PIBF1: variants seen among roughly 807,000 people sequenced by gnomAD.
PIBF1 encodes the protein progesterone immunomodulatory binding factor 1.
Under a neutral mutation model 112.5 loss-of-function variants are expected in PIBF1, and 90 were observed. The observed-to-expected ratio is 0.80, with a 90% confidence interval of 0.67 to 0.95. The LOEUF (loss-of-function observed/expected upper bound fraction) is 0.95, where lower values mean the gene tolerates loss of function less well. PIBF1 is among the 40% of genes least tolerant of loss of function. The pLI, the probability that PIBF1 is intolerant of heterozygous loss-of-function variation, is 0.00. For synonymous variants in PIBF1, 301 were observed against 288.6 expected (o/e 1.04, Z -0.44); for missense variants, 915 against 852.3 (o/e 1.07, Z -0.92).
chr13:72,961,530 G>C (rs2042607938), intron 14 of PIBF1, among the ~76,000 whole-genome samples: 2 of 152,072 alleles, frequency 1.3e-5, no homozygotes, highest in Non-Finnish European at 2.9e-5. Context: ...TAGCAATTAT[G>C]ACAAAAAGAA....
Position 72,798,019 on chromosome 13 carries a change from T to G in PIBF1, c.665T>G (p.Leu222Arg). 1 of 1,600,782 alleles carries G rather than the reference T, an allele frequency of 6.2e-7. No individual in the cohort carries two copies. The highest frequency in any genetic ancestry group is 8.5e-7 in the Non-Finnish European group (1 of 1,175,734). ...ACAAACAAAAACCAACTGAAGCAGC[T>G]GACAGAGGTTTGTATGGTTTTGATT... ...LSTNKNQLKQ[L>R]TETYEEDRKN... Residue 222 changes from leucine (L) to arginine (R), a missense_variant, in exon 5 of 18, where the codon CTG becomes CGG. By Grantham distance (102) the Leu-to-Arg change is moderately radical (BLOSUM62 -2). Transcript: ENST00000326291.
intron 10 of PIBF1, among the ~76,000 whole-genome samples, chr13:72,864,462 T>A (rs1047963322): frequency 2.6e-5 from 4 of 152,214 alleles, no homozygotes; most frequent in African/African-American, 7.2e-5. Flanking sequence ...TTTTTTAGGA[T>A]GTTTCTTAGA....
chr13:73,012,862 T>C (rs977552343), intron 17 of PIBF1, among the ~76,000 whole-genome samples: 4 of 151,806 alleles, frequency 2.6e-5, no homozygotes, highest in Admixed American at 2.0e-4. Flanking sequence ...AGCATATATT[T>C]AATGAGAATA....
intron 2 of PIBF1, among the ~76,000 whole-genome samples, chr13:72,787,485 G>A (rs1279541471): frequency 6.6e-6 from 1 of 152,120 alleles, no homozygotes; most frequent in Non-Finnish European, 1.5e-5. Flanking sequence ...TCCAGCTCTA[G>A]AAGAAAGCAA....
intron 5 of PIBF1, among the ~76,000 whole-genome samples, chr13:72,818,983 G>A (rs1382961565): frequency 6.6e-6 from 1 of 151,938 alleles, no homozygotes; most frequent in East Asian, 1.9e-4. Flanking sequence ...AGATGACTTG[G>A]TATTTCATTT....
chr13:72,941,276 A>G (rs2042000951), intron 14 of PIBF1, among the ~76,000 whole-genome samples: 1 of 152,222 alleles, frequency 6.6e-6, no homozygotes, highest in South Asian at 2.1e-4. Flanking sequence ...TATACCCACT[A>G]ATTCTCAAGA....
intron 14 of PIBF1, among the ~76,000 whole-genome samples, chr13:72,931,730 A>ATATATATATATATG: frequency 6.9e-6 from 1 of 144,076 alleles, no homozygotes. Flanking sequence ...ATATATATAT[A>ATATATATATATATG]TATATATATA....
rs1224029288 is a variant in PIBF1 at position 72,894,241 on chromosome 13, A to G, written c.1488+292A>G. Among the ~76,000 whole-genome samples, 4 of 152,196 alleles carry G rather than the reference A, an allele frequency of 2.6e-5. No homozygotes were observed. The East Asian group carries it at 5.8e-4, about 22-fold the overall frequency. On this transcript the variant is annotated intron_variant, in intron 11 of 17. Transcript: ENST00000326291. ...GTGCAGAATGTATACGAAGAAAACT[A>G]TAGAACTTCACTGACATGTGAAATG...
At chr13:72,844,090 A>G (rs2037729578) in intron 9 of PIBF1, among the ~76,000 whole-genome samples, 1 of 152,212 alleles carries the variant, frequency 6.6e-6, no homozygotes, top group East Asian at 1.9e-4. Flanking sequence ...CACTTTACAT[A>G]CGTTGTAGAA....
chr13:72,827,200 A>C, intron 7 of PIBF1, 82 bp downstream of exon 7: 2 of 512,972 alleles, frequency 3.9e-6, no homozygotes, highest in Non-Finnish European at 3.2e-6. Flanking sequence ...TGAAGGAGAG[A>C]CATTTTTTTT....
At chr13:72,998,164 C>T (rs748553250) in intron 16 of PIBF1, among the ~76,000 whole-genome samples, 8 of 152,020 alleles carry the variant, frequency 5.3e-5, no homozygotes, top group African/African-American at 9.7e-5. Flanking sequence ...AAAGGAAATG[C>T]GACAGTTTAA....
intron 14 of PIBF1, 48 bp from the exon 15 acceptor site, chr13:72,965,226 T>C (rs1479255633): frequency 6.5e-7 from 1 of 1,550,278 alleles, no homozygotes. Flanking sequence ...AATGATTTTA[T>C]TTTGTTGTCA....
intron 14 of PIBF1, among the ~76,000 whole-genome samples, chr13:72,937,632 C>T (rs992874800): frequency 4.6e-5 from 7 of 152,024 alleles, no homozygotes; most frequent in Non-Finnish European, 8.8e-5. Flanking sequence ...CCAGCCTGGC[C>T]AACATGGCAA....
chr13:72,950,975 A>G (rs1279850294), intron 14 of PIBF1, among the ~76,000 whole-genome samples: 2 of 152,220 alleles, frequency 1.3e-5, no homozygotes, highest in Non-Finnish European at 2.9e-5. Context: ...TTTCTTCTGA[A>G]AGTGGCCAAT....
intron 14 of PIBF1, among the ~76,000 whole-genome samples, chr13:72,931,892 T>C (rs1214758496): frequency 2.0e-5 from 3 of 150,042 alleles, no homozygotes; most frequent in Non-Finnish European, 4.4e-5. Flanking sequence ...TTAATATTCC[T>C]GAGTGTCAAC....
intron 16 of PIBF1, among the ~76,000 whole-genome samples, chr13:72,990,528 CAAA>C (rs113835188): frequency 1.9e-4 from 12 of 63,770 alleles, no homozygotes; most frequent in East Asian, 1.1e-3. Context: ...CTCTCCATCT[CAAA>C]AAAAAAAAAA....
At chr13:72,885,181 A>G (rs1215101648) in intron 10 of PIBF1, among the ~76,000 whole-genome samples, 1 of 152,038 alleles carries the variant, frequency 6.6e-6, no homozygotes. Flanking sequence ...CACCTTAGCC[A>G]TTATCCACAC....
chr13:72,931,247 G>A lies in PIBF1; in HGVS notation c.1813G>A (p.Val605Ile). The change falls in exon 14 of 18, where the codon GTA (valine) becomes ATA (isoleucine). Residue 605 changes from valine to isoleucine, a missense_variant. Val to Ile is a conservative substitution (Grantham distance 29). Coordinates refer to ENST00000326291, the MANE Select transcript of PIBF1 (RefSeq NM_006346.4). ...AGATCTGGAACATCGAAAGGACCAA[G>A]TAACACAGCTTTCACAAGAGGTAAA... ...LKDLEHRKDQ[V>I]TQLSQELDRA... The A allele has an allele frequency of 6.2e-7, 1 of 1,609,038 alleles. No individual in the cohort carries two copies. The highest frequency in any genetic ancestry group is 8.5e-7 in the Non-Finnish European group (1 of 1,176,224).
intron 5 of PIBF1, among the ~76,000 whole-genome samples, chr13:72,807,354 C>T (rs1353501222): frequency 6.6e-6 from 1 of 152,098 alleles, no homozygotes; most frequent in African/African-American, 2.4e-5. Context: ...GTGGGCAGAT[C>T]ACCTGATGTC....
Sources: gnomAD v4.1 joint callset for allele counts (sites outside exome capture counted in the v4.1 genomes callset) on GRCh38, gnomAD v4.1.1 for gene constraint, MANE v1.5 for transcripts, NCBI Gene and HGNC (gene_info 2026-07-23, HGNC 2026-07-21) for gene names.